The following ACYP2 variants were observed in gnomAD, a reference collection of about 807,000 sequenced individuals.
ACYP2 encodes acylphosphatase-2.
ACYP2 carries 12 observed loss-of-function variants against 11.2 expected under a neutral mutation model. That is an observed-to-expected ratio of 1.08 (90% CI 0.69 to 1.74). ACYP2 has a LOEUF of 1.74. ACYP2 is among the 40% of genes most tolerant of loss of function. The pLI is 0.00. For missense variants in ACYP2, 134 were observed against 101.9 expected (o/e 1.31, Z -1.35); for synonymous variants, 43 against 32.2 (o/e 1.33, Z -1.13).
intron 6 of ACYP2, among the ~76,000 whole-genome samples, chr2:54,207,420 G>T (rs897381915): frequency 2.6e-5 from 4 of 152,010 alleles, no homozygotes; most frequent in Non-Finnish European, 4.4e-5. Flanking sequence ...TCTTCAATTG[G>T]TTGGGTGACA....
chr2:54,118,220 C>T (rs1679930438), intron 4 of ACYP2, among the ~76,000 whole-genome samples: 1 of 152,198 alleles, frequency 6.6e-6, no homozygotes, highest in African/African-American at 2.4e-5. Context: ...TTTGAGTGAA[C>T]CCAGCGGTAT....
intron 5 of ACYP2, among the ~76,000 whole-genome samples, chr2:54,137,434 A>G (rs1209042540): frequency 6.6e-6 from 1 of 150,492 alleles, no homozygotes; most frequent in Non-Finnish European, 1.5e-5. Context: ...CCCTCCTCCC[A>G]CTCTCCACCC....
At chr2:54,283,071 G>A (rs1038336840) in intron 6 of ACYP2, among the ~76,000 whole-genome samples, 2 of 152,126 alleles carry the variant, frequency 1.3e-5, no homozygotes, top group Non-Finnish European at 1.5e-5. Flanking sequence ...TTTATACTTT[G>A]CACAGTGGTG....
intron 2 of ACYP2, among the ~76,000 whole-genome samples, chr2:53,997,517 G>A (rs922299811): frequency 6.6e-6 from 1 of 150,558 alleles, no homozygotes; most frequent in Non-Finnish European, 1.5e-5. Flanking sequence ...TGTTGGTCAG[G>A]CTGATCTCGA....
intron 6 of ACYP2, among the ~76,000 whole-genome samples, chr2:54,268,850 A>G (rs1025981669): frequency 1.3e-5 from 2 of 152,026 alleles, no homozygotes; most frequent in African/African-American, 4.8e-5. Context: ...TTTTTCCTTA[A>G]TAGTTAAAAA....
At chr2:54,167,250 A>G (rs1273119947) in intron 6 of ACYP2, among the ~76,000 whole-genome samples, 2 of 152,192 alleles carry the variant, frequency 1.3e-5, no homozygotes, top group African/African-American at 2.4e-5. Flanking sequence ...TGTTTCTCCT[A>G]GCTCATCAAC....
intron 4 of ACYP2, among the ~76,000 whole-genome samples, chr2:54,058,939 A>T (rs1054023847): frequency 6.6e-6 from 1 of 151,970 alleles, no homozygotes; most frequent in Non-Finnish European, 1.5e-5. Context: ...TCCCCACTGG[A>T]GGTGGGTTAT....
At chr2:54,248,263 CT>C (rs532344588) in intron 6 of ACYP2, among the ~76,000 whole-genome samples, 258 of 152,256 alleles carry the variant, frequency 1.7e-3, no homozygotes, top group African/African-American at 6.0e-3. Context: ...AACCGCAAGG[CT>C]GAAAGTATGT....
intron 4 of ACYP2, among the ~76,000 whole-genome samples, chr2:54,087,311 ATCT>A (rs1387225876): frequency 6.6e-6 from 1 of 152,136 alleles, no homozygotes; most frequent in African/African-American, 2.4e-5. Flanking sequence ...AATGTTTCTA[ATCT>A]TCTTGGCATT....
At chr2:54,071,559 A>G (rs547383271) in intron 4 of ACYP2, among the ~76,000 whole-genome samples, 199 of 151,858 alleles carry the variant, frequency 1.3e-3, no homozygotes, top group Middle Eastern at 6.8e-3. Flanking sequence ...TTGACTTCCC[A>G]GGCTTAGGTA....
At chr2:54,273,536 C>T (rs1321124082) in intron 6 of ACYP2, among the ~76,000 whole-genome samples, 1 of 152,162 alleles carries the variant, frequency 6.6e-6, no homozygotes, top group Non-Finnish European at 1.5e-5. Context: ...ACAGTCTCAC[C>T]TCACTACAAC....
At chr2:54,155,520 TAG>T (rs1454369948) in intron 6 of ACYP2, among the ~76,000 whole-genome samples, 2 of 152,196 alleles carry the variant, frequency 1.3e-5, no homozygotes, top group African/African-American at 4.8e-5. Context: ...GTGGCAGCAT[TAG>T]AGTCTTATAG....
intron 6 of ACYP2, among the ~76,000 whole-genome samples, chr2:54,288,133 C>T (rs542583229): frequency 6.6e-6 from 1 of 152,056 alleles, no homozygotes; most frequent in South Asian, 2.1e-4. Flanking sequence ...CTGTTGCCTT[C>T]CAAAATGGAA....
intron 2 of ACYP2, among the ~76,000 whole-genome samples, chr2:54,040,834 G>A (rs1249235529): frequency 2.0e-5 from 3 of 152,140 alleles, no homozygotes; most frequent in Non-Finnish European, 4.4e-5. Context: ...ACTGGACATG[G>A]GGAATATAGA....
intron 6 of ACYP2, among the ~76,000 whole-genome samples, chr2:54,271,019 T>G (rs1340917766): frequency 6.6e-6 from 1 of 152,240 alleles, no homozygotes; most frequent in East Asian, 1.9e-4. Flanking sequence ...AAACCACGTT[T>G]GCAGAGATGA....
intron 6 of ACYP2, among the ~76,000 whole-genome samples, chr2:54,147,776 C>T (rs966345908): frequency 6.6e-6 from 1 of 152,120 alleles, no homozygotes; most frequent in Non-Finnish European, 1.5e-5. Flanking sequence ...CCTTCTGCCT[C>T]GGCTTCCCAA....
At chr2:54,088,765 A>G (rs143649031) in intron 4 of ACYP2, among the ~76,000 whole-genome samples, 95 of 152,364 alleles carry the variant, frequency 6.2e-4, no homozygotes, top group African/African-American at 2.2e-3. Flanking sequence ...CTGAAAAGTT[A>G]TGGAGTCTGC....
At chr2:53,979,060 TA>T (rs983643188) in intron 2 of ACYP2, among the ~76,000 whole-genome samples, 54 of 146,114 alleles carry the variant, frequency 3.7e-4, no homozygotes, top group East Asian at 7.9e-4. Context: ...TTCTACTTAT[TA>T]AAAAAAAAAA....
At chr2:54,213,534 C>T (rs1170086774) in intron 6 of ACYP2, among the ~76,000 whole-genome samples, 1 of 152,092 alleles carries the variant, frequency 6.6e-6, no homozygotes, top group Non-Finnish European at 1.5e-5. Flanking sequence ...CTAATTTATT[C>T]CCACCAGCAG....
Sources: gnomAD v4.1 joint callset for allele counts (sites outside exome capture counted in the v4.1 genomes callset) on GRCh38, gnomAD v4.1.1 for gene constraint, MANE v1.5 for transcripts, NCBI Gene and HGNC (gene_info 2026-07-23, HGNC 2026-07-21) for gene names.